SLC22A9: variants seen among roughly 807,000 people sequenced by gnomAD.
SLC22A9 encodes the protein solute carrier family 22 member 9, also known as organic anion transporter 7.
Under a neutral mutation model 50.1 loss-of-function variants are expected in SLC22A9, and 64 were observed. That is an observed-to-expected ratio of 1.28 (90% CI 1.04 to 1.57). The LOEUF (loss-of-function observed/expected upper bound fraction) is 1.57, where lower values mean the gene tolerates loss of function less well. SLC22A9 is among the 40% of genes most tolerant of loss of function. SLC22A9 has a pLI of 0.00. For synonymous variants in SLC22A9, 261 were observed against 242.5 expected (o/e 1.08, Z -0.71); for missense variants, 757 against 676.1 (o/e 1.12, Z -1.33).
Position 63,373,765 on chromosome 11 carries a change from G to T in SLC22A9, c.628G>T (p.Ala210Ser). ...ACTACGCTTCTTGTCTGGGATTGCT[G>T]CAATGAGCCTCATAACAAATACTAT... ...CSLRFLSGIA[A>S]MSLITNTIML... Residue 210 changes from alanine (A) to serine (S), a missense_variant, in exon 3 of 10, where the codon GCA (alanine) becomes TCA (serine). Physicochemically the swap from Ala to Ser is moderately conservative, Grantham distance 99. Coordinates refer to ENST00000279178, the MANE Select transcript of SLC22A9 (RefSeq NM_080866.3). The T allele has an allele frequency of 6.2e-7, 1 of 1,612,788 alleles. No homozygotes were observed. The highest frequency in any genetic ancestry group is 8.5e-7 in the Non-Finnish European group (1 of 1,179,362).
intron 6 of SLC22A9, among the ~76,000 whole-genome samples, chr11:63,405,476 A>G (rs1387487284): frequency 2.0e-5 from 3 of 152,210 alleles, no homozygotes; most frequent in African/African-American, 7.2e-5. Context: ...AAAACGTAAT[A>G]AAAACTATTG....
At chr11:63,383,325 TA>T (rs566131146) in intron 6 of SLC22A9, among the ~76,000 whole-genome samples, 2 of 152,096 alleles carry the variant, frequency 1.3e-5, no homozygotes, top group Admixed American at 6.6e-5. Flanking sequence ...TAAAACATGA[TA>T]AAAAAAATCT....
chr11:63,408,275 T>G, intron 8 of SLC22A9, 55 bp downstream of exon 8: 1 of 1,357,922 alleles, frequency 7.4e-7, no homozygotes, highest in South Asian at 1.2e-5. Flanking sequence ...TCTCAGATAA[T>G]TGACACTTTT....
chr11:63,397,940 T>C (rs1260747326), intron 6 of SLC22A9, among the ~76,000 whole-genome samples: 1 of 152,068 alleles, frequency 6.6e-6, no homozygotes, highest in South Asian at 2.1e-4. Context: ...TCTTCTTTTC[T>C]CAAGTAGAAG....
At chr11:63,397,894 C>T (rs2014887459) in intron 6 of SLC22A9, among the ~76,000 whole-genome samples, 1 of 131,960 alleles carries the variant, frequency 7.6e-6, no homozygotes, top group Non-Finnish European at 1.6e-5. Flanking sequence ...TGAGTTGGTA[C>T]CTAAGCTGCA....
rs2014762884 is a variant in SLC22A9, at chr11:63,391,461, C to G, written c.1073+9184C>G. On this transcript the variant is annotated intron_variant, in intron 6 of 9. Transcript: ENST00000279178. ...AATATAATTGTATTGGGGTATATCT[C>G]TCTCTTTAACTCTATTAATATTTGC... 3.3e-5 allele frequency among the ~76,000 whole-genome samples: 5 copies of G among 151,940 alleles called. No homozygotes were observed. The South Asian group carries it at 1.0e-3, about 32-fold the overall frequency.
intron 5 of SLC22A9, among the ~76,000 whole-genome samples, chr11:63,379,373 A>G (rs1308135004): frequency 6.6e-6 from 1 of 152,172 alleles, no homozygotes; most frequent in African/African-American, 2.4e-5. Flanking sequence ...AAGTCAAGAT[A>G]AAGACTTAAG....
chr11:63,405,470 C>T (rs574999232), intron 6 of SLC22A9, among the ~76,000 whole-genome samples: 78 of 152,228 alleles, frequency 5.1e-4, no homozygotes, highest in South Asian at 4.2e-3. Context: ...ATTCTGAAAA[C>T]GTAATAAAAA....
At chr11:63,409,299 T>A (rs2015095179) in intron 9 of SLC22A9, among the ~76,000 whole-genome samples, 1 of 152,178 alleles carries the variant, frequency 6.6e-6, no homozygotes, top group Non-Finnish European at 1.5e-5. Flanking sequence ...CAGGCCTGAC[T>A]ACTAGGCCAC....
rs895190834 is a variant in SLC22A9 at position 63,375,560 on chromosome 11, G to C, written c.831-85G>C. 11 of 1,538,778 alleles carry C rather than the reference G, an allele frequency of 7.1e-6. No homozygotes were observed. The African/African-American group carries it at 9.6e-5, about 13-fold the overall frequency. On this transcript the variant is annotated intron_variant, in intron 4 of 9. Coordinates refer to ENST00000279178, the MANE Select transcript of SLC22A9 (RefSeq NM_080866.3). ...CAAACAAGTGGTGGATATTAGCTTG[G>C]AGGGAGAAGACATCTTAAGAAAAAA...
chr11:63,372,892 T>C (rs1232880098), intron 2 of SLC22A9, among the ~76,000 whole-genome samples: 1 of 152,106 alleles, frequency 6.6e-6, no homozygotes, highest in African/African-American at 2.4e-5. Context: ...TCCTTAAAAT[T>C]TCCCAACTTG....
Position 63,382,275 on chromosome 11 carries a change from G to T in SLC22A9, c.1071G>T (p.Thr357=), listed in dbSNP as rs150251554. The T allele has an allele frequency of 1.9e-6, 3 of 1,601,066 alleles. No individual in the cohort carries two copies. The highest frequency in any genetic ancestry group is 3.5e-5 in the Admixed American group (2 of 57,484). The change falls in exon 6 of 10, where the codon ACG becomes ACT. Residue 357 remains threonine, a splice_region_variant and synonymous_variant. Coordinates refer to ENST00000279178, the MANE Select transcript of SLC22A9 (RefSeq NM_080866.3). The part of the protein sequence containing the change: ...ICKRISLLSF[T]RFANFMAYFG... ...AAAGGATCTCCCTCCTGTCCTTTAC[G>T]AGGTAAGCTTCATGCAGTGTTTGAG...
At chr11:63,379,556 G>C (rs114117246) in intron 5 of SLC22A9, among the ~76,000 whole-genome samples, 4 of 152,038 alleles carry the variant, frequency 2.6e-5, no homozygotes, top group African/African-American at 4.8e-5. Context: ...GTTTTCAACA[G>C]AGTAAATAAA....
At position 63,409,933 on chromosome 11, in the gene SLC22A9, A is replaced by T; in HGVS notation, c.*71A>T. On this transcript the variant is annotated 3_prime_UTR_variant, in exon 10 of 10. Coordinates refer to ENST00000279178, the MANE Select transcript of SLC22A9 (RefSeq NM_080866.3). ...ACAATCAGGACTATTCCTAGACACT[A>T]GCAAAATCTAGAAAATAAATAACAA... 6.5e-7 allele frequency: 1 copy of T among 1,535,870 alleles called. No homozygotes were observed. Among genetic ancestry groups the T allele is most frequent in the Non-Finnish European group, 9.0e-7 (1 of 1,112,636 alleles).
At chr11:63,378,119 G>A (rs1189289301) in intron 5 of SLC22A9, among the ~76,000 whole-genome samples, 1 of 151,812 alleles carries the variant, frequency 6.6e-6, no homozygotes, top group South Asian at 2.1e-4. Context: ...TACCAGACAT[G>A]TAAAGAAGAG....
chr11:63,376,122 G>A (rs2014456806), intron 5 of SLC22A9, among the ~76,000 whole-genome samples: 2 of 152,064 alleles, frequency 1.3e-5, no homozygotes, highest in South Asian at 4.1e-4. Flanking sequence ...TTTCAGGGTA[G>A]TAAAGCCAGA....
chr11:63,371,870 G>T (rs1277330705), intron 2 of SLC22A9, among the ~76,000 whole-genome samples: 1 of 152,142 alleles, frequency 6.6e-6, no homozygotes, highest in Non-Finnish European at 1.5e-5. Flanking sequence ...TCCTGACATG[G>T]CAGGGAACAA....
At chr11:63,387,434 C>T (rs2014688811) in intron 6 of SLC22A9, among the ~76,000 whole-genome samples, 1 of 151,972 alleles carries the variant, frequency 6.6e-6, no homozygotes, top group African/African-American at 2.4e-5. Flanking sequence ...ACACCTTTCT[C>T]AAAAAGAAGT....
At chr11:63,392,841 G>A (rs957987558) in intron 6 of SLC22A9, among the ~76,000 whole-genome samples, 5 of 152,096 alleles carry the variant, frequency 3.3e-5, no homozygotes, top group African/African-American at 7.2e-5. Context: ...AAAATTCTTG[G>A]TTTCTCTAAA....
Sources: allele counts gnomAD v4.1 joint callset (sites outside exome capture counted in the v4.1 genomes callset), GRCh38; gene constraint gnomAD v4.1.1; transcripts MANE v1.5; gene names NCBI Gene and HGNC (gene_info 2026-07-23, HGNC 2026-07-21).